Variants in GRID1 observed in about 807,000 individuals in gnomAD.
GRID1 encodes glutamate ionotropic receptor delta type subunit 1, also known as glutamate receptor ionotropic, delta-1.
Under a neutral mutation model 98.0 loss-of-function variants are expected in GRID1, and 28 were observed. That is an observed-to-expected ratio of 0.29 (90% CI 0.21 to 0.39). The LOEUF (loss-of-function observed/expected upper bound fraction) is 0.39. GRID1 is among the 10% of genes least tolerant of loss of function. The probability of loss-of-function intolerance (pLI) is 1.00; values close to 1 mark genes in which losing one functional copy is unlikely to be tolerated. For missense variants in GRID1, 1,111 were observed against 1,340.5 expected (o/e 0.83, Z 2.67); for synonymous variants, 553 against 538.5 (o/e 1.03, Z -0.37).
At chr10:86,125,136 G>A (rs1311965223) in intron 4 of GRID1, among the ~76,000 whole-genome samples, 2 of 152,258 alleles carry the variant, frequency 1.3e-5, no homozygotes, top group Admixed American at 1.3e-4. Flanking sequence ...CCACAGCAAG[G>A]ACTGGAGGAA....
At chr10:86,359,435 A>G (rs561173891) in intron 2 of GRID1, among the ~76,000 whole-genome samples, 1 of 152,244 alleles carries the variant, frequency 6.6e-6, no homozygotes, top group East Asian at 1.9e-4. Flanking sequence ...ACGGATATAA[A>G]CTGAGCAAGG....
At chr10:85,885,604 T>A (rs1164791299) in intron 5 of GRID1, among the ~76,000 whole-genome samples, 1 of 152,242 alleles carries the variant, frequency 6.6e-6, no homozygotes, top group Non-Finnish European at 1.5e-5. Context: ...TTTCACTAAC[T>A]GTCAGATTCA....
chr10:86,160,596 G>T (rs974077141), intron 3 of GRID1, among the ~76,000 whole-genome samples: 12 of 152,224 alleles, frequency 7.9e-5, no homozygotes, highest in African/African-American at 2.7e-4. Flanking sequence ...CCAAGTGCCT[G>T]CCCAGACATG....
chr10:86,005,971 A>G (rs1842855895), intron 4 of GRID1, among the ~76,000 whole-genome samples: 1 of 152,248 alleles, frequency 6.6e-6, no homozygotes, highest in Non-Finnish European at 1.5e-5. Context: ...AGATTCTGAC[A>G]GAATTTTCAT....
At chr10:86,315,700 C>T (rs1053002636) in intron 2 of GRID1, among the ~76,000 whole-genome samples, 2 of 152,008 alleles carry the variant, frequency 1.3e-5, no homozygotes, top group Admixed American at 1.3e-4. Context: ...CATATGCCCC[C>T]ATATTTTCCT....
At chr10:86,275,347 CT>C (rs897921923) in intron 2 of GRID1, among the ~76,000 whole-genome samples, 1 of 151,522 alleles carries the variant, frequency 6.6e-6, no homozygotes, top group African/African-American at 2.4e-5. Context: ...TTCAGAAGTC[CT>C]TTTTTAAAAA....
At chr10:85,691,801 C>G (rs35378072) in intron 12 of GRID1, among the ~76,000 whole-genome samples, 17,036 of 152,194 alleles carry the variant, frequency 0.11, 1,142 homozygotes, top group African/African-American at 0.2. Context: ...CATACATATT[C>G]TGGCTGTTTT....
chr10:86,051,577 A>G (rs1843503272), intron 4 of GRID1, among the ~76,000 whole-genome samples: 1 of 152,216 alleles, frequency 6.6e-6, no homozygotes, highest in Non-Finnish European at 1.5e-5. Flanking sequence ...AAATCAAGGT[A>G]TAAAACCCCT....
At chr10:86,355,484 AGC>A (rs1848522003) in intron 2 of GRID1, among the ~76,000 whole-genome samples, 1 of 152,250 alleles carries the variant, frequency 6.6e-6, no homozygotes, top group South Asian at 2.1e-4. Flanking sequence ...GAGAAGGGGC[AGC>A]CTGGGCTCAG....
chr10:86,306,861 C>T (rs541027891), intron 2 of GRID1, among the ~76,000 whole-genome samples: 42 of 152,306 alleles, frequency 2.8e-4, no homozygotes, highest in African/African-American at 9.6e-4. Context: ...TGGCGCTGTC[C>T]GAGGTACTGA....
At chr10:86,323,777 T>C (rs548218657) in intron 2 of GRID1, among the ~76,000 whole-genome samples, 1 of 152,366 alleles carries the variant, frequency 6.6e-6, no homozygotes, top group East Asian at 1.9e-4. Context: ...TACTTTAAAA[T>C]GGTTAAAATC....
chr10:86,283,396 G>A (rs564298088), intron 2 of GRID1, among the ~76,000 whole-genome samples: 131 of 152,254 alleles, frequency 8.6e-4, no homozygotes, highest in South Asian at 7.7e-3. Flanking sequence ...CCAGTATCTA[G>A]CCCACTGCCT....
At chr10:85,677,191 C>T (rs1216347405) in intron 12 of GRID1, among the ~76,000 whole-genome samples, 1 of 152,174 alleles carries the variant, frequency 6.6e-6, no homozygotes, top group Non-Finnish European at 1.5e-5. Context: ...ATCTCAAGGG[C>T]CAAACTATTC....
At chr10:85,645,188 T>C (rs1163833662) in intron 13 of GRID1, among the ~76,000 whole-genome samples, 1 of 152,112 alleles carries the variant, frequency 6.6e-6, no homozygotes, top group Non-Finnish European at 1.5e-5. Flanking sequence ...TTTTTTAGCA[T>C]TATGCAATGA....
chr10:85,735,088 T>C (rs1841865628), intron 8 of GRID1, among the ~76,000 whole-genome samples: 1 of 152,190 alleles, frequency 6.6e-6, no homozygotes. Context: ...CACTTAGTCA[T>C]ACAGCTCCAG....
At chr10:85,888,362 C>G (rs766699368) in intron 5 of GRID1, among the ~76,000 whole-genome samples, 17 of 152,224 alleles carry the variant, frequency 1.1e-4, no homozygotes, top group Non-Finnish European at 2.1e-4. Flanking sequence ...CGTGGAGGAA[C>G]AGGCTCTCTG....
intron 5 of GRID1, among the ~76,000 whole-genome samples, chr10:85,883,922 C>T (rs887661097): frequency 6.6e-6 from 1 of 152,188 alleles, no homozygotes; most frequent in African/African-American, 2.4e-5. Flanking sequence ...AATCCTTACA[C>T]TGAAGATAGA....
chr10:85,770,156 A>T (rs1194036125), intron 8 of GRID1, among the ~76,000 whole-genome samples: 2 of 152,204 alleles, frequency 1.3e-5, no homozygotes, highest in Non-Finnish European at 2.9e-5. Flanking sequence ...GGACAGCAGC[A>T]TTCGCGGTTC....
chr10:86,006,585 T>C (rs1293066807), intron 4 of GRID1, among the ~76,000 whole-genome samples: 1 of 151,582 alleles, frequency 6.6e-6, no homozygotes, highest in Non-Finnish European at 1.5e-5. Context: ...GCCACTGCAC[T>C]CCAGCCTGGC....
Sources: allele counts gnomAD v4.1 joint callset (sites outside exome capture counted in the v4.1 genomes callset), GRCh38; gene constraint gnomAD v4.1.1; transcripts MANE v1.5; gene names NCBI Gene and HGNC (gene_info 2026-07-23, HGNC 2026-07-21).